The following CNTNAP2 variants were observed in gnomAD, a reference collection of about 807,000 sequenced individuals.
CNTNAP2 encodes the protein contactin associated protein 2.
In CNTNAP2, 98 loss-of-function variants were observed where a neutral mutation model predicts 155.2. That is an observed-to-expected ratio of 0.63 (90% confidence interval 0.54 to 0.75). The LOEUF (loss-of-function observed/expected upper bound fraction) is 0.75. CNTNAP2 is among the 30% of genes least tolerant of loss of function. The pLI is 0.00. For synonymous variants in CNTNAP2, 651 were observed against 631.2 expected (o/e 1.03, Z -0.47); for missense variants, 1,727 against 1,688.1 (o/e 1.02, Z -0.40).
chr7:146,218,320 T>C (rs1345951614), intron 1 of CNTNAP2, among the ~76,000 whole-genome samples: 1 of 152,064 alleles, frequency 6.6e-6, no homozygotes, highest in Admixed American at 6.5e-5. Context: ...CCATCCTGGC[T>C]AACACGGTGA....
At chr7:146,616,144 G>C (rs1017232109) in intron 1 of CNTNAP2, among the ~76,000 whole-genome samples, 1 of 152,030 alleles carries the variant, frequency 6.6e-6, no homozygotes, top group Non-Finnish European at 1.5e-5. Flanking sequence ...AAATAAGAGG[G>C]GATGAGAGAG....
intron 10 of CNTNAP2, among the ~76,000 whole-genome samples, chr7:147,397,845 A>G (rs1414077326): frequency 1.3e-5 from 2 of 152,010 alleles, no homozygotes; most frequent in African/African-American, 4.8e-5. Context: ...AAAAGAACAA[A>G]GTTCACACCT....
chr7:148,232,278 G>T (rs1305551773), intron 20 of CNTNAP2, among the ~76,000 whole-genome samples: 1 of 152,350 alleles, frequency 6.6e-6, no homozygotes, highest in Admixed American at 6.5e-5. Context: ...TTTCTTTCAT[G>T]CAGGGAGGCC....
chr7:146,909,388 G>A (rs1796224919), intron 3 of CNTNAP2, among the ~76,000 whole-genome samples: 1 of 118,976 alleles, frequency 8.4e-6, no homozygotes, highest in Non-Finnish European at 1.7e-5. Flanking sequence ...GATGAACATT[G>A]ATGCAAAAAT....
At chr7:148,363,669 C>T (rs988642779) in intron 21 of CNTNAP2, among the ~76,000 whole-genome samples, 1 of 152,208 alleles carries the variant, frequency 6.6e-6, no homozygotes, top group Non-Finnish European at 1.5e-5. Context: ...GTCCTCAGAG[C>T]CCTCGCTTGC....
intron 8 of CNTNAP2, among the ~76,000 whole-genome samples, chr7:147,246,069 C>CATAT (rs779461755): frequency 2.0e-5 from 3 of 146,384 alleles, no homozygotes; most frequent in Non-Finnish European, 4.5e-5. Flanking sequence ...ATATATATGG[C>CATAT]ATATATATAT....
chr7:148,393,124 A>G (rs919407892), intron 22 of CNTNAP2, among the ~76,000 whole-genome samples: 3 of 151,778 alleles, frequency 2.0e-5, no homozygotes, highest in African/African-American at 7.2e-5. Flanking sequence ...AATTACATAT[A>G]TCATCTATTC....
rs1800453590 is a variant in CNTNAP2, at chr7:147,093,249, A to G, written c.551-14898A>G. Among the ~76,000 whole-genome samples the G allele has an allele frequency of 6.6e-5, 10 of 150,708 alleles. No homozygotes were observed. In the South Asian group the frequency reaches 2.1e-3, roughly 31 times the overall value. On this transcript the variant is annotated intron_variant, in intron 4 of 23. Coordinates refer to ENST00000361727, the MANE Select transcript of CNTNAP2 (RefSeq NM_014141.6). Reference sequence around the variant, plus strand: ...GAGCGAGACTCCATCTCAAAAAAAAAAAAAAAAAAAGAAAAAGAAAAGGTG... The same window carrying G: ...GAGCGAGACTCCATCTCAAAAAAAAGAAAAAAAAAAGAAAAAGAAAAGGTG...
intron 11 of CNTNAP2, among the ~76,000 whole-genome samples, chr7:147,506,337 C>A (rs760602209): frequency 2.6e-5 from 4 of 152,144 alleles, no homozygotes; most frequent in Non-Finnish European, 5.9e-5. Flanking sequence ...CTCACTGCAA[C>A]CTCCGCCTCC....
chr7:146,700,253 C>G (rs1800852883), intron 1 of CNTNAP2, among the ~76,000 whole-genome samples: 1 of 152,050 alleles, frequency 6.6e-6, no homozygotes, highest in South Asian at 2.1e-4. Flanking sequence ...TGCTGTGACT[C>G]ATTCTGTGTG....
intron 4 of CNTNAP2, among the ~76,000 whole-genome samples, chr7:147,065,662 T>C (rs919275357): frequency 1.2e-4 from 19 of 152,176 alleles, no homozygotes; most frequent in African/African-American, 4.6e-4. Context: ...TATGAGGAAT[T>C]AATTATGCTT....
intron 3 of CNTNAP2, among the ~76,000 whole-genome samples, chr7:146,852,376 C>T (rs1321205218): frequency 6.6e-6 from 1 of 152,070 alleles, no homozygotes; most frequent in Non-Finnish European, 1.5e-5. Context: ...TGACTCTCTG[C>T]AATCATTTAT....
At chr7:146,557,648 T>C (rs991448744) in intron 1 of CNTNAP2, among the ~76,000 whole-genome samples, 29 of 151,416 alleles carry the variant, frequency 1.9e-4, no homozygotes, top group African/African-American at 7.1e-4. Flanking sequence ...AACTTGATCC[T>C]ACGTGTCTTA....
chr7:148,250,355 G>C (rs1183139396), intron 20 of CNTNAP2, among the ~76,000 whole-genome samples: 2 of 152,108 alleles, frequency 1.3e-5, no homozygotes, highest in Non-Finnish European at 2.9e-5. Flanking sequence ...TTTTCTCTGT[G>C]TCTCTCTATA....
intron 12 of CNTNAP2, among the ~76,000 whole-genome samples, chr7:147,589,420 A>T (rs1344443626): frequency 6.6e-6 from 1 of 152,164 alleles, no homozygotes; most frequent in Non-Finnish European, 1.5e-5. Flanking sequence ...CCCTCCAAAC[A>T]GCAAGGAGCA....
chr7:147,656,104 C>A (rs1486368605), intron 13 of CNTNAP2, among the ~76,000 whole-genome samples: 1 of 152,238 alleles, frequency 6.6e-6, no homozygotes, highest in Non-Finnish European at 1.5e-5. Context: ...GCAGACTTCT[C>A]ACCTTTCTGA....
At chr7:148,055,584 A>G (rs1325467842) in intron 15 of CNTNAP2, among the ~76,000 whole-genome samples, 1 of 152,226 alleles carries the variant, frequency 6.6e-6, no homozygotes, top group Non-Finnish European at 1.5e-5. Flanking sequence ...CACCTAATGC[A>G]GAACCTAGTG....
chr7:146,179,311 C>A (rs146984298), intron 1 of CNTNAP2, among the ~76,000 whole-genome samples: 1 of 152,014 alleles, frequency 6.6e-6, no homozygotes, highest in African/African-American at 2.4e-5. Context: ...AAAAATAGAA[C>A]CGTAAGGAAT....
intron 22 of CNTNAP2, among the ~76,000 whole-genome samples, chr7:148,398,636 T>C (rs149298109): frequency 2.6e-5 from 4 of 152,298 alleles, no homozygotes; most frequent in African/African-American, 9.6e-5. Context: ...TGCGCCTAAG[T>C]ATTCTCACAA....
Sources: gnomAD v4.1 joint callset for allele counts (sites outside exome capture counted in the v4.1 genomes callset) on GRCh38, gnomAD v4.1.1 for gene constraint, MANE v1.5 for transcripts, NCBI Gene and HGNC (gene_info 2026-07-23, HGNC 2026-07-21) for gene names.